The following USP32 variants were observed in gnomAD, a reference collection of about 807,000 sequenced individuals.
USP32 encodes the protein ubiquitin carboxyl-terminal hydrolase 32.
USP32 carries 59 observed loss-of-function variants against 204.8 expected under a neutral mutation model. The ratio of observed to expected loss-of-function variants is 0.29; its 90% confidence interval spans 0.23 to 0.36. The LOEUF (loss-of-function observed/expected upper bound fraction) is 0.36, where lower values mean the gene tolerates loss of function less well. USP32 is among the 10% of genes least tolerant of loss of function. The pLI, the probability that USP32 is intolerant of heterozygous loss-of-function variation, is 1.00. For synonymous variants in USP32, 517 were observed against 678.4 expected, an observed-to-expected ratio of 0.76 and a Z score of 3.70; for missense variants, 1,160 against 1,946.4, an observed-to-expected ratio of 0.60 and a Z score of 7.60.
chr17:60,387,757 C>T (rs1406667214), intron 1 of USP32, among the ~76,000 whole-genome samples: 3 of 152,124 alleles, frequency 2.0e-5, no homozygotes, highest in Non-Finnish European at 2.9e-5. Context: ...ATTTACTGAA[C>T]ATAACTTAGC....
At chr17:60,204,902 T>C (rs2084783236) in intron 26 of USP32, among the ~76,000 whole-genome samples, 2 of 151,440 alleles carry the variant, frequency 1.3e-5, no homozygotes. Flanking sequence ...GCCTCCAGAG[T>C]AGTTGAGACT....
In USP32 at chr17:60,183,316, T is replaced by G; in HGVS notation, c.3972A>C (p.Pro1324=). 1 of 1,613,904 alleles carries G rather than the reference T, an allele frequency of 6.2e-7. No homozygotes were observed. Among genetic ancestry groups the G allele is most frequent in the Non-Finnish European group, 8.5e-7 (1 of 1,179,850 alleles). The part of the protein sequence containing the change: ...PRDPALCQHK[P]LTPQGDELSE... ...AGAGCTCATCCCCCTGGGGTGTGAG[T>G]GGTTTATGCTGGCAGAGAGCCGGGT... The change falls in exon 31 of 34, where the codon CCA becomes CCC. Residue 1324 remains proline (P), a synonymous_variant. Transcript: ENST00000300896.
At chr17:60,219,544 A>G in intron 16 of USP32, 126 bp downstream of exon 16, 1 of 1,387,524 alleles carries the variant, frequency 7.2e-7, no homozygotes. Context: ...CCAGACTTCG[A>G]GCAACGTAGT....
intron 1 of USP32, among the ~76,000 whole-genome samples, chr17:60,388,282 C>T (rs1422225828): frequency 2.7e-5 from 3 of 111,334 alleles, no homozygotes; most frequent in South Asian, 2.4e-4. Context: ...TTAATTCAGC[C>T]GATTCTTACA....
intron 2 of USP32, among the ~76,000 whole-genome samples, chr17:60,331,289 G>C (rs1045922263): frequency 2.6e-5 from 4 of 152,170 alleles, no homozygotes; most frequent in African/African-American, 9.7e-5. Flanking sequence ...ACTTAGACTG[G>C]GTGTGGTGAC....
intron 9 of USP32, among the ~76,000 whole-genome samples, chr17:60,260,764 GTAT>G (rs773519967): frequency 1.8e-4 from 28 of 152,036 alleles, no homozygotes; most frequent in Admixed American, 5.2e-4. Flanking sequence ...CGCTTATACA[GTAT>G]TATTCAATTT....
intron 32 of USP32, among the ~76,000 whole-genome samples, chr17:60,180,973 C>T (rs1053410786): frequency 3.9e-5 from 6 of 151,982 alleles, no homozygotes; most frequent in Non-Finnish European, 7.4e-5. Flanking sequence ...GACTTGACCT[C>T]CTGGGCTCAG....
At chr17:60,389,074 T>C (rs2089782942) in intron 1 of USP32, among the ~76,000 whole-genome samples, 1 of 152,228 alleles carries the variant, frequency 6.6e-6, no homozygotes, top group African/African-American at 2.4e-5. Flanking sequence ...TGTAGTTTTG[T>C]CAAGCTTGTT....
intron 9 of USP32, among the ~76,000 whole-genome samples, chr17:60,264,209 C>T (rs148293377): frequency 6.6e-6 from 1 of 151,916 alleles, no homozygotes; most frequent in South Asian, 2.1e-4. Context: ...AGGAGAGGTC[C>T]TTACCACAAC....
At chr17:60,185,766 A>C in intron 29 of USP32, 115 bp from the exon 30 acceptor site, 1 of 1,244,806 alleles carries the variant, frequency 8.0e-7, no homozygotes, top group Non-Finnish European at 1.1e-6. Context: ...TATAAGGAAA[A>C]AGAAAATACA....
At chr17:60,250,940 CTTTCT>C (rs1341660152) in intron 11 of USP32, among the ~76,000 whole-genome samples, 1 of 151,192 alleles carries the variant, frequency 6.6e-6, no homozygotes, top group African/African-American at 2.4e-5. Context: ...CCATTTATTC[CTTTCT>C]TTTCTTTTTT....
chr17:60,291,625 T>C (rs1041774116), intron 4 of USP32, among the ~76,000 whole-genome samples: 18 of 152,086 alleles, frequency 1.2e-4, no homozygotes, highest in Admixed American at 5.2e-4. Context: ...AATTAACCTA[T>C]TCTAATATAA....
At chr17:60,263,269 A>T (rs2086499720) in intron 9 of USP32, among the ~76,000 whole-genome samples, 1 of 152,090 alleles carries the variant, frequency 6.6e-6, no homozygotes, top group Non-Finnish European at 1.5e-5. Context: ...CATAGCCCTG[A>T]TCACACTTGT....
intron 29 of USP32, among the ~76,000 whole-genome samples, chr17:60,186,831 T>C (rs2084264104): frequency 6.6e-6 from 1 of 152,206 alleles, no homozygotes; most frequent in African/African-American, 2.4e-5. Context: ...TCTCCATGCC[T>C]GGCTGCTACC....
chr17:60,301,195 A>G (rs1037090932), intron 3 of USP32, among the ~76,000 whole-genome samples: 7 of 152,142 alleles, frequency 4.6e-5, no homozygotes, highest in Non-Finnish European at 1.0e-4. Context: ...ATATGTATTA[A>G]ATTTTCTTGG....
chr17:60,230,840 C>T (rs1220460093), intron 12 of USP32, among the ~76,000 whole-genome samples: 2 of 152,170 alleles, frequency 1.3e-5, no homozygotes, highest in Non-Finnish European at 2.9e-5. Context: ...GATGAACAAA[C>T]CAATCACAGT....
intron 2 of USP32, among the ~76,000 whole-genome samples, chr17:60,320,929 G>A (rs779206083): frequency 1.3e-4 from 20 of 152,114 alleles, no homozygotes; most frequent in Non-Finnish European, 2.4e-4. Context: ...ATGGTCCTAG[G>A]AGAATGGGAC....
chr17:60,381,462 T>G (rs1432726767), intron 1 of USP32, among the ~76,000 whole-genome samples: 2 of 152,096 alleles, frequency 1.3e-5, no homozygotes, highest in African/African-American at 4.8e-5. Flanking sequence ...AAAAAGGTTT[T>G]TATCTGTCCC....
chr17:60,348,426 C>T (rs775639153), intron 1 of USP32, among the ~76,000 whole-genome samples: 3 of 152,072 alleles, frequency 2.0e-5, no homozygotes, highest in Non-Finnish European at 4.4e-5. Flanking sequence ...GAAGAGTATG[C>T]TCTCCAAAGG....
Sources: gnomAD v4.1 joint callset for allele counts (sites outside exome capture counted in the v4.1 genomes callset) on GRCh38, gnomAD v4.1.1 for gene constraint, MANE v1.5 for transcripts, NCBI Gene and HGNC (gene_info 2026-07-23, HGNC 2026-07-21) for gene names.